The following DENND2B variants were observed in gnomAD, a reference collection of about 807,000 sequenced individuals.
DENND2B encodes the protein DENN domain containing 2B, also known as DENN domain-containing protein 2B.
DENND2B carries 32 observed loss-of-function variants against 116.0 expected under a neutral mutation model. The ratio of observed to expected loss-of-function variants is 0.28; its 90% confidence interval spans 0.21 to 0.37. The LOEUF (loss-of-function observed/expected upper bound fraction) is 0.37, where lower values mean the gene tolerates loss of function less well. Ranked by LOEUF, DENND2B falls within the 10% of genes least tolerant of loss-of-function variation. DENND2B has a pLI of 1.00. For missense variants in DENND2B, 1,276 were observed against 1,477.7 expected (o/e 0.86, Z 2.24); for synonymous variants, 588 against 583.9 (o/e 1.01, Z -0.10).
intron 1 of DENND2B, among the ~76,000 whole-genome samples, chr11:8,801,935 T>C (rs1412410208): frequency 7.2e-6 from 1 of 139,734 alleles, no homozygotes; most frequent in Non-Finnish European, 1.5e-5. Flanking sequence ...GAAGTTGCAG[T>C]GAGCCAATAT....
intron 1 of DENND2B, among the ~76,000 whole-genome samples, chr11:8,779,473 T>C (rs904040384): frequency 7.2e-5 from 11 of 151,762 alleles, no homozygotes; most frequent in Non-Finnish European, 8.8e-5. Flanking sequence ...AAAAGCATGC[T>C]CGGGGTTTCC....
At chr11:8,797,641 G>A (rs917864447) in intron 1 of DENND2B, among the ~76,000 whole-genome samples, 13 of 151,630 alleles carry the variant, frequency 8.6e-5, no homozygotes, top group African/African-American at 2.9e-4. Flanking sequence ...CCAGGCTGGA[G>A]TGCCATGATC....
intron 2 of DENND2B, among the ~76,000 whole-genome samples, chr11:8,879,078 GCTCA>G (rs1382801801): frequency 6.6e-6 from 1 of 152,204 alleles, no homozygotes; most frequent in Non-Finnish European, 1.5e-5. Flanking sequence ...ACTCACTAAT[GCTCA>G]CTGTTATACT....
chr11:8,774,526 G>A (rs1402445172), intron 1 of DENND2B, among the ~76,000 whole-genome samples: 1 of 152,094 alleles, frequency 6.6e-6, no homozygotes, highest in Non-Finnish European at 1.5e-5. Context: ...TCTCAAAATC[G>A]CCACAGAAGA....
intron 5 of DENND2B, among the ~76,000 whole-genome samples, chr11:8,716,965 A>T (rs973274834): frequency 6.6e-6 from 1 of 152,230 alleles, no homozygotes; most frequent in Non-Finnish European, 1.5e-5. Flanking sequence ...TTTTATAAAA[A>T]CAAACACCTT....
At chr11:8,835,322 A>G (rs1233921365) in intron 4 of DENND2B, among the ~76,000 whole-genome samples, 1 of 152,180 alleles carries the variant, frequency 6.6e-6, no homozygotes, top group Admixed American at 6.5e-5. Context: ...TAAAAGATGG[A>G]TATCTGGGGG....
intron 1 of DENND2B, among the ~76,000 whole-genome samples, chr11:8,910,649 G>C (rs1391318173): frequency 1.0e-5 from 1 of 96,548 alleles, no homozygotes; most frequent in East Asian, 4.5e-4. Context: ...GTGTGTGTGT[G>C]TGGACACGGG....
At chr11:8,846,839 T>A (rs2062832160) in intron 3 of DENND2B, among the ~76,000 whole-genome samples, 1 of 152,222 alleles carries the variant, frequency 6.6e-6, no homozygotes, top group African/African-American at 2.4e-5. Flanking sequence ...TTGATATTAA[T>A]CCTTAGCTCT....
intron 4 of DENND2B, chr11:8,831,454 G>A (rs1278570995): frequency 2.0e-5 from 3 of 152,470 alleles, no homozygotes; most frequent in African/African-American, 4.8e-5. Context: ...CCCCACCATC[G>A]TCTCTCCAGA....
chr11:8,770,333 TG>T (rs1214617345), intron 1 of DENND2B, among the ~76,000 whole-genome samples: 2 of 152,352 alleles, frequency 1.3e-5, no homozygotes, highest in South Asian at 4.1e-4. Flanking sequence ...CTAAGCATCT[TG>T]CCCTCGGTTC....
chr11:8,870,657 T>C (rs2063750339), intron 2 of DENND2B, among the ~76,000 whole-genome samples: 1 of 150,448 alleles, frequency 6.6e-6, no homozygotes, highest in Non-Finnish European at 1.5e-5. Flanking sequence ...AGATCGGGTC[T>C]CCGCTCGGCA....
intron 4 of DENND2B, chr11:8,718,104 AC>A (rs1258754367): frequency 9.1e-5 from 5 of 54,754 alleles, no homozygotes; most frequent in East Asian, 9.1e-4. Context: ...CCACCCCCCC[AC>A]CCCCCCCAAC....
At position 8,712,489 on chromosome 11, in the gene DENND2B, C is replaced by A; in HGVS notation, c.2172+62G>T. ...AGATCTCTCTCCTTCCCCAGATAGG[C>A]CTGGCGGATAGAGGATGGAAGAGGG... On this transcript the variant is annotated intron_variant, in intron 9 of 19. Transcript: ENST00000313726. The surrounding 1 kb of genome is among the most constrained non-coding windows in gnomAD (Gnocchi z 4.4). 2 of 1,488,874 alleles carry A rather than the reference C, an allele frequency of 1.3e-6. No individual in the cohort carries two copies. The highest frequency in any genetic ancestry group is 1.3e-5 in the South Asian group (1 of 76,886). 92.2% of individuals were successfully genotyped at this position (1,488,874 alleles called of 1,614,324 possible).
chr11:8,824,629 T>C lies in DENND2B; in HGVS notation c.-114-13294A>G, dbSNP rs193046015. On this transcript the variant is annotated intron_variant, in intron 4 of 6. Transcript: ENST00000524757. The stretch of plus-strand genomic sequence containing the variant: ...GGCATTTAGGTTGATTCCATGTCTT[T>C]GCTATTGTGAATAGTGTTGCAATGA... 2.4e-3 allele frequency among the ~76,000 whole-genome samples: 364 copies of C among 152,302 alleles called. 4 individuals carry two copies. The highest frequency in any genetic ancestry group is 8.4e-3 in the African/African-American group (351 of 41,548).
chr11:8,747,788 TA>T (rs1248484591), intron 2 of DENND2B, among the ~76,000 whole-genome samples: 1 of 152,170 alleles, frequency 6.6e-6, no homozygotes, highest in Non-Finnish European at 1.5e-5. Flanking sequence ...ATGAAAGGCT[TA>T]GATTTTCCCC....
chr11:8,738,224 G>A (rs1226104186), intron 2 of DENND2B, among the ~76,000 whole-genome samples: 1 of 152,204 alleles, frequency 6.6e-6, no homozygotes, highest in Non-Finnish European at 1.5e-5. Context: ...TGCACTGGAC[G>A]TCTGCTCTCA....
At chr11:8,888,281 A>G (rs1441429327) in intron 1 of DENND2B, among the ~76,000 whole-genome samples, 3 of 152,176 alleles carry the variant, frequency 2.0e-5, no homozygotes, top group African/African-American at 7.2e-5. Flanking sequence ...ATGGGCAAAA[A>G]GGATCTTGTC....
chr11:8,726,997 A>G (rs1444600121), intron 3 of DENND2B, among the ~76,000 whole-genome samples: 2 of 151,960 alleles, frequency 1.3e-5, no homozygotes, highest in East Asian at 3.9e-4. Context: ...CTTCCTCTCT[A>G]CTGTATAATT....
intron 1 of DENND2B, among the ~76,000 whole-genome samples, chr11:8,891,843 G>T (rs2064037407): frequency 6.6e-6 from 1 of 152,182 alleles, no homozygotes; most frequent in Non-Finnish European, 1.5e-5. Context: ...GGGACAGAAA[G>T]TTAACAAGGA....
Sources: gnomAD v4.1 joint callset for allele counts (sites outside exome capture counted in the v4.1 genomes callset) on GRCh38, gnomAD v4.1.1 for gene constraint, Gnocchi (gnomAD v3.1) non-coding constraint, MANE v1.5 for transcripts, NCBI Gene and HGNC (gene_info 2026-07-23, HGNC 2026-07-21) for gene names.